Variants in CDK18 observed in about 807,000 individuals in gnomAD.
CDK18 encodes cyclin dependent kinase 18, also known as cyclin-dependent kinase 18.
A neutral mutation model predicts 62.0 loss-of-function variants in CDK18; 52 were observed. That is an observed-to-expected ratio of 0.84 (90% CI 0.67 to 1.06). The LOEUF is 1.06. Ranked by LOEUF, CDK18 falls within the 50% of genes least tolerant of loss-of-function variation. The pLI is 0.00. For missense variants in CDK18, 604 were observed against 619.9 expected, an observed-to-expected ratio of 0.97 and a Z score of 0.27; for synonymous variants, 237 against 247.0, an observed-to-expected ratio of 0.96 and a Z score of 0.38.
At chr1:205,529,294 G>C (rs370701446) in intron 11 of CDK18, 30 bp from the exon 12 acceptor site, 510 of 1,590,836 alleles carry the variant, frequency 3.2e-4, no homozygotes, top group Middle Eastern at 6.7e-4. Context: ...GCCTCACGCA[G>C]GCCCTCCCCA....
Position 205,524,489 on chromosome 1 carries a change from T to A in CDK18, c.399+132T>A, listed in dbSNP as rs1229480479. On this transcript the variant is annotated intron_variant, in intron 4 of 15. Coordinates refer to ENST00000429964, the MANE Select transcript of CDK18 (RefSeq NM_212502.3). ...TGGGCCTCTGGTGCCACCTGCTGGC[T>A]TGAGTGCATTCAACTAGCTCGTCCT... 8 of 984,026 alleles carry A rather than the reference T, an allele frequency of 8.1e-6. No individual in the cohort carries two copies. The Admixed American group carries it at 1.5e-4, about 19-fold the overall frequency. The allele number at this position is 984,026 out of a possible 1,614,324, so 61.0% of individuals were successfully genotyped here. A position where few individuals can be genotyped will look rare whatever the true frequency, so the allele number is the denominator to read the frequency against.
At chr1:205,524,992 T>A (rs1668348525) in intron 4 of CDK18, 147 bp from the exon 5 acceptor site, 1 of 530,008 alleles carries the variant, frequency 1.9e-6, no homozygotes, top group Non-Finnish European at 3.5e-6. Flanking sequence ...AGCTCTGTCC[T>A]TTATCACAGG....
At chr1:205,518,445 G>A (rs1477343345) in intron 1 of CDK18, among the ~76,000 whole-genome samples, 1 of 152,222 alleles carries the variant, frequency 6.6e-6, no homozygotes, top group Non-Finnish European at 1.5e-5. Flanking sequence ...TAGCCTGCTA[G>A]TGGTAGCACC....
intron 1 of CDK18, 185 bp downstream of exon 1, chr1:205,504,981 G>T (rs1033537705): frequency 1.3e-5 from 2 of 152,210 alleles, no homozygotes; most frequent in African/African-American, 4.8e-5. Context: ...ATCACGAGGC[G>T]TGATCTGTGT....
In CDK18 at chr1:205,528,774, G is replaced by A. The variant is rs1047727781; in HGVS notation, c.975-225G>A. The A allele has an allele frequency of 1.1e-4, 52 of 471,818 alleles. No homozygotes were observed. Among genetic ancestry groups the A allele is most frequent in the Non-Finnish European group, 1.9e-4 (50 of 265,982 alleles). The allele number at this position is 471,818 out of a possible 1,614,324, so 29.2% of individuals were successfully genotyped here. A position where few individuals can be genotyped will look rare whatever the true frequency, so the allele number is the denominator to read the frequency against. The stretch of plus-strand genomic sequence containing the variant: ...AGTGAAAGGGGACTTTCCTCACAGA[G>A]TGAAAGTCGCAGCTTTCCCGAGCCC... On this transcript the variant is annotated intron_variant, in intron 10 of 15. Coordinates refer to ENST00000429964, the MANE Select transcript of CDK18 (RefSeq NM_212502.3). This position sits in a 1 kb window ranked among gnomAD's most constrained non-coding sequence, Gnocchi z 4.2.
At chr1:205,520,908 G>A (rs749664487) in intron 1 of CDK18, among the ~76,000 whole-genome samples, 3 of 152,056 alleles carry the variant, frequency 2.0e-5, no homozygotes, top group African/African-American at 4.8e-5. Context: ...GTGAGGCATG[G>A]TGGCTGCCCT....
chr1:205,521,936 C>T (rs1017385157), intron 1 of CDK18, among the ~76,000 whole-genome samples: 1 of 152,186 alleles, frequency 6.6e-6, no homozygotes, highest in African/African-American at 2.4e-5. Flanking sequence ...CAGCTGGGAG[C>T]GGGTGCAGGG....
At chr1:205,526,675 TG>T in intron 7 of CDK18, 99 bp from the exon 8 acceptor site, 1 of 1,190,126 alleles carries the variant, frequency 8.4e-7, no homozygotes, top group Non-Finnish European at 1.3e-6. Flanking sequence ...CTAGTGGGCG[TG>T]GGCCCTTCCC....
At chr1:205,512,407 C>T (rs1217933585) in intron 1 of CDK18, among the ~76,000 whole-genome samples, 1 of 152,202 alleles carries the variant, frequency 6.6e-6, no homozygotes, top group African/African-American at 2.4e-5. Flanking sequence ...CAGTGCCTGG[C>T]GCTGAGCAGG....
In CDK18 at chr1:205,526,268, G is replaced by C. The variant is rs187968068; in HGVS notation, c.571+89G>C. On this transcript the variant is annotated intron_variant, in intron 6 of 15. Transcript: ENST00000429964. ...ACCCTTGTGGGAGCTGGGGGTAGAG[G>C]ATCATTGCTGGAATGGGACTCCTGG... 316 of 1,459,810 alleles carry C rather than the reference G, an allele frequency of 2.2e-4. 2 individuals carry two copies. In the African/African-American group the frequency reaches 3.9e-3, roughly 18 times the overall value. 90.4% of individuals were successfully genotyped at this position (1,459,810 alleles called of 1,614,324 possible).
chr1:205,515,238 G>A (rs56145927), intron 1 of CDK18, among the ~76,000 whole-genome samples: 7 of 147,598 alleles, frequency 4.7e-5, no homozygotes, highest in Admixed American at 1.4e-4. Context: ...GTGCAGTGGC[G>A]CCATTTCGGC....
chr1:205,519,420 CCT>C (rs1433733815), intron 1 of CDK18, among the ~76,000 whole-genome samples: 1 of 152,118 alleles, frequency 6.6e-6, no homozygotes, highest in Non-Finnish European at 1.5e-5. Flanking sequence ...CGCCTGCTCC[CCT>C]GTCACCATCA....
At chr1:205,524,074 A>C (rs569756984) in intron 3 of CDK18, among the ~76,000 whole-genome samples, 158 bp from the exon 4 acceptor site, 1 of 152,164 alleles carries the variant, frequency 6.6e-6, no homozygotes, top group Non-Finnish European at 1.5e-5. Flanking sequence ...TTGAGCACAC[A>C]CTGGGAGCAG....
intron 11 of CDK18, 100 bp downstream of exon 11, chr1:205,529,196 C>G (rs1380303030): frequency 5.2e-6 from 7 of 1,348,708 alleles, no homozygotes; most frequent in South Asian, 1.3e-5. Flanking sequence ...TCGGCCGCCT[C>G]TCTCCCGGGC....
At chr1:205,524,682 C>G (rs1322024309) in intron 4 of CDK18, among the ~76,000 whole-genome samples, 1 of 152,248 alleles carries the variant, frequency 6.6e-6, no homozygotes, top group Non-Finnish European at 1.5e-5. Flanking sequence ...TTACAAAACA[C>G]AGACTCTACC....
At chr1:205,512,875 C>G (rs1258431380) in intron 1 of CDK18, among the ~76,000 whole-genome samples, 1 of 152,100 alleles carries the variant, frequency 6.6e-6, no homozygotes, top group Non-Finnish European at 1.5e-5. Context: ...TGAGAGGTCC[C>G]CAGGGATGCC....
At chr1:205,514,306 T>C (rs1003381054) in intron 1 of CDK18, among the ~76,000 whole-genome samples, 2 of 152,080 alleles carry the variant, frequency 1.3e-5, no homozygotes, top group African/African-American at 2.4e-5. Context: ...CCCCCATCCA[T>C]CTGCTTGGGT....
At chr1:205,524,445 GGATTTCGAGGAA>G in intron 4 of CDK18, 88 bp downstream of exon 4, 2 of 1,488,764 alleles carry the variant, frequency 1.3e-6, no homozygotes, top group African/African-American at 2.8e-5. Flanking sequence ...GGCCTAGATG[GGATTTCGAGGAA>G]GATTCCTGGG....
In CDK18 at chr1:205,528,670, C is replaced by T. The variant is rs1021714083; in HGVS notation, c.975-329C>T. ...TATGTACTTCTCTTCCAGTGGGGCACACAGTGGAGAGAGTTTGAGACAACA... is the reference window on the plus strand; with the variant it reads ...TATGTACTTCTCTTCCAGTGGGGCATACAGTGGAGAGAGTTTGAGACAACA... On this transcript the variant is annotated intron_variant, in intron 10 of 15. Transcript: ENST00000429964. This position sits in a 1 kb window ranked among gnomAD's most constrained non-coding sequence, Gnocchi z 4.2. 1.8e-5 allele frequency: 6 copies of T among 326,422 alleles called. No individual in the cohort carries two copies. The highest frequency in any genetic ancestry group is 4.5e-5 in the Admixed American group (1 of 22,382). The allele number at this position is 326,422 out of a possible 1,614,324, so 20.2% of individuals were successfully genotyped here.
Sources: allele counts gnomAD v4.1 joint callset (sites outside exome capture counted in the v4.1 genomes callset), GRCh38; gene constraint gnomAD v4.1.1; non-coding constraint Gnocchi (gnomAD v3.1); transcripts MANE v1.5; gene names NCBI Gene and HGNC (gene_info 2026-07-23, HGNC 2026-07-21).